The following CDC42BPA variants were observed in gnomAD, a reference collection of about 807,000 sequenced individuals.
The protein encoded by CDC42BPA is CDC42 binding protein kinase alpha.
In CDC42BPA, 80 loss-of-function variants were observed where a neutral mutation model predicts 223.5. The observed-to-expected ratio is 0.36, with a 90% CI of 0.30 to 0.43. CDC42BPA has a LOEUF of 0.43. CDC42BPA is among the 20% of genes least tolerant of loss of function. CDC42BPA has a pLI of 1.00. For missense variants in CDC42BPA, 1,743 were observed against 2,099.9 expected, an observed-to-expected ratio of 0.83 and a Z score of 3.32; for synonymous variants, 694 against 718.6, an observed-to-expected ratio of 0.97 and a Z score of 0.55.
chr1:227,055,713 TAAAC>T (rs1431115819), intron 21 of CDC42BPA, among the ~76,000 whole-genome samples: 1 of 152,142 alleles, frequency 6.6e-6, no homozygotes, highest in Non-Finnish European at 1.5e-5. Flanking sequence ...CAAAAGCTAA[TAAAC>T]ATACATAAGT....
chr1:227,253,642 A>ACATACATACATT (rs1558878036), intron 2 of CDC42BPA, among the ~76,000 whole-genome samples: 3 of 116,042 alleles, frequency 2.6e-5, no homozygotes, highest in African/African-American at 6.7e-5. Context: ...ATACATACAT[A>ACATACATACATT]CATACATTCA....
intron 3 of CDC42BPA, among the ~76,000 whole-genome samples, chr1:227,201,071 G>C (rs1050785312): frequency 2.0e-5 from 3 of 151,938 alleles, no homozygotes; most frequent in Admixed American, 6.6e-5. Context: ...AGTTTATTCT[G>C]AGAATACACT....
chr1:227,166,445 A>G (rs930878152), intron 5 of CDC42BPA, among the ~76,000 whole-genome samples: 4 of 152,246 alleles, frequency 2.6e-5, no homozygotes, highest in African/African-American at 9.6e-5. Context: ...GCTGGCCTGA[A>G]TATTTCACTA....
At chr1:227,258,718 G>A (rs956597503) in intron 1 of CDC42BPA, among the ~76,000 whole-genome samples, 6 of 150,522 alleles carry the variant, frequency 4.0e-5, no homozygotes, top group Non-Finnish European at 7.4e-5. Flanking sequence ...CTGATTATAC[G>A]TTCAACTTAT....
At chr1:227,009,653 T>C (rs1664786828) in intron 34 of CDC42BPA, among the ~76,000 whole-genome samples, 1 of 152,098 alleles carries the variant, frequency 6.6e-6, no homozygotes, top group South Asian at 2.1e-4. Context: ...TAGGCTCAAG[T>C]GGTCCTCCTG....
chr1:227,164,636 A>T (rs983044791), intron 5 of CDC42BPA, among the ~76,000 whole-genome samples: 2 of 152,208 alleles, frequency 1.3e-5, no homozygotes, highest in African/African-American at 4.8e-5. Context: ...ACTGCACTTC[A>T]GCCTAGGTGA....
chr1:227,074,045 C>G, intron 18 of CDC42BPA, 33 bp from the exon 19 acceptor site: 1 of 1,596,420 alleles, frequency 6.3e-7, no homozygotes, highest in Non-Finnish European at 8.5e-7. Context: ...TTAGTTCCAT[C>G]CTATTTTTAA....
At chr1:227,009,264 A>G (rs182530163) in intron 34 of CDC42BPA, among the ~76,000 whole-genome samples, 1 of 152,356 alleles carries the variant, frequency 6.6e-6, no homozygotes, top group Non-Finnish European at 1.5e-5. Context: ...ACTTCATTAT[A>G]AAGTGACAAG....
At chr1:227,155,394 T>A (rs527346387) in intron 6 of CDC42BPA, among the ~76,000 whole-genome samples, 2 of 152,192 alleles carry the variant, frequency 1.3e-5, no homozygotes, top group Non-Finnish European at 2.9e-5. Context: ...TGGAAGATTA[T>A]GAAATATTTA....
At chr1:227,036,555 A>G (rs12401993) in intron 24 of CDC42BPA, among the ~76,000 whole-genome samples, 42,642 of 149,404 alleles carry the variant, frequency 0.29, 6,256 homozygotes, top group African/African-American at 0.35. Flanking sequence ...TCAGCCTCCC[A>G]AGCAGCTGGG....
At chr1:227,233,185 C>A (rs1031155895) in intron 2 of CDC42BPA, among the ~76,000 whole-genome samples, 1 of 152,126 alleles carries the variant, frequency 6.6e-6, no homozygotes, top group African/African-American at 2.4e-5. Flanking sequence ...ATCTTAGAAC[C>A]GCTATTTTTT....
intron 28 of CDC42BPA, among the ~76,000 whole-genome samples, 197 bp from the exon 29 acceptor site, chr1:227,030,667 A>G (rs898016082): frequency 6.6e-5 from 10 of 152,222 alleles, no homozygotes; most frequent in African/African-American, 2.2e-4. Context: ...AGAATAATCC[A>G]TATCAATACT....
intron 10 of CDC42BPA, among the ~76,000 whole-genome samples, chr1:227,136,359 A>C (rs1468539679): frequency 2.6e-5 from 4 of 152,196 alleles, no homozygotes; most frequent in African/African-American, 9.7e-5. Flanking sequence ...CAAAAAACAG[A>C]AAGAACGGAA....
intron 2 of CDC42BPA, among the ~76,000 whole-genome samples, chr1:227,217,717 C>A (rs918108644): frequency 1.3e-5 from 2 of 152,138 alleles, no homozygotes; most frequent in Non-Finnish European, 2.9e-5. Flanking sequence ...GTGCTACTCT[C>A]CCCCTGGTTC....
intron 2 of CDC42BPA, among the ~76,000 whole-genome samples, chr1:227,220,311 TACACACAC>T (rs58845901): frequency 2.0e-5 from 1 of 49,534 alleles, no homozygotes; most frequent in Non-Finnish European, 4.3e-5. Context: ...TATATATATA[TACACACAC>T]ACACACACAT....
At chr1:227,298,709 C>T in intron 1 of CDC42BPA, among the ~76,000 whole-genome samples, 1 of 152,168 alleles carries the variant, frequency 6.6e-6, no homozygotes, top group East Asian at 1.9e-4. Flanking sequence ...GACTATCTGG[C>T]ATAAGCAGAT....
At chr1:227,158,974 G>C (rs1379209774) in intron 6 of CDC42BPA, among the ~76,000 whole-genome samples, 1 of 152,050 alleles carries the variant, frequency 6.6e-6, no homozygotes, top group Non-Finnish European at 1.5e-5. Flanking sequence ...CAGTCTTTGC[G>C]CAATCGTGAG....
intron 1 of CDC42BPA, among the ~76,000 whole-genome samples, chr1:227,266,810 A>T (rs1264430175): frequency 6.6e-6 from 1 of 152,250 alleles, no homozygotes; most frequent in Non-Finnish European, 1.5e-5. Flanking sequence ...TAGCATTACT[A>T]GCTTCATTTT....
chr1:227,092,223 G>A (rs1297604122), intron 15 of CDC42BPA, among the ~76,000 whole-genome samples: 4 of 152,132 alleles, frequency 2.6e-5, no homozygotes, highest in African/African-American at 9.7e-5. Context: ...ACTATTTATG[G>A]AGTGCTTACT....
Sources: allele counts gnomAD v4.1 joint callset (sites outside exome capture counted in the v4.1 genomes callset), GRCh38; gene constraint gnomAD v4.1.1; transcripts MANE v1.5; gene names NCBI Gene and HGNC (gene_info 2026-07-23, HGNC 2026-07-21).